CSMD1: variants seen among roughly 807,000 people sequenced by gnomAD.
CSMD1 encodes CUB and sushi domain-containing protein 1.
A neutral mutation model predicts 417.5 loss-of-function variants in CSMD1; 213 were observed. The observed-to-expected ratio is 0.51, with a 90% confidence interval of 0.46 to 0.57. The LOEUF (loss-of-function observed/expected upper bound fraction) is 0.57, where lower values mean the gene tolerates loss of function less well. Among genes scored for constraint, CSMD1 ranks in the 20% least tolerant of loss-of-function variants. The pLI, the probability that CSMD1 is intolerant of heterozygous loss-of-function variation, is 0.00. For synonymous variants in CSMD1, 2,862 were observed against 1,736.8 expected, an observed-to-expected ratio of 1.65 and a Z score of -16.11; for missense variants, 6,923 against 4,529.7, an observed-to-expected ratio of 1.53 and a Z score of -15.17.
chr8:3,147,778 T>G (rs954551024), intron 40 of CSMD1, among the ~76,000 whole-genome samples: 1 of 152,170 alleles, frequency 6.6e-6, no homozygotes, highest in Non-Finnish European at 1.5e-5. Context: ...TCAAAGGAAA[T>G]ATTGTTTAAC....
chr8:3,798,899 CA>C (rs1157977379), intron 5 of CSMD1, among the ~76,000 whole-genome samples: 1 of 151,726 alleles, frequency 6.6e-6, no homozygotes, highest in Non-Finnish European at 1.5e-5. Context: ...TTTATAGGTG[CA>C]AAAGAAGAAA....
At chr8:3,799,515 G>A (rs907919884) in intron 5 of CSMD1, among the ~76,000 whole-genome samples, 4 of 150,052 alleles carry the variant, frequency 2.7e-5, no homozygotes, top group African/African-American at 7.4e-5. Context: ...AAGCATACAT[G>A]TAACATTAGG....
At chr8:3,754,265 T>C (rs74874850) in intron 5 of CSMD1, among the ~76,000 whole-genome samples, 5,264 of 152,234 alleles carry the variant, frequency 0.035, 201 homozygotes, top group East Asian at 0.14. Flanking sequence ...TTTTCAAAAA[T>C]ATTTGATACT....
intron 1 of CSMD1, among the ~76,000 whole-genome samples, chr8:4,670,277 A>ATTTGCCTCTTTTGATGGTT: frequency 6.6e-6 from 1 of 152,174 alleles, no homozygotes; most frequent in Non-Finnish European, 1.5e-5. Flanking sequence ...GGAAGCTCTC[A>ATTTGCCTCTTTTGATGGTT]TTTGCCTCTT....
chr8:4,885,719 T>C (rs1475264247), intron 1 of CSMD1, among the ~76,000 whole-genome samples: 1 of 151,448 alleles, frequency 6.6e-6, no homozygotes, highest in Admixed American at 6.6e-5. Flanking sequence ...GATATACTTA[T>C]GTATTATAAT....
intron 8 of CSMD1, among the ~76,000 whole-genome samples, chr8:3,604,529 A>G (rs1175185175): frequency 6.6e-6 from 1 of 152,206 alleles, no homozygotes; most frequent in Non-Finnish European, 1.5e-5. Context: ...CACATAGGAT[A>G]CCAACCGAGA....
intron 1 of CSMD1, among the ~76,000 whole-genome samples, chr8:4,751,908 T>A (rs1811358462): frequency 6.6e-6 from 1 of 152,144 alleles, no homozygotes; most frequent in Admixed American, 6.5e-5. Context: ...AGTAAAGTGT[T>A]AGTTCCAGAG....
intron 1 of CSMD1, among the ~76,000 whole-genome samples, chr8:4,820,610 A>C (rs1484843453): frequency 1.3e-5 from 2 of 152,186 alleles, no homozygotes; most frequent in Non-Finnish European, 2.9e-5. Flanking sequence ...GCTTTCTGAA[A>C]TCACTGAAGT....
chr8:4,837,539 C>T (rs1319501851), intron 1 of CSMD1, among the ~76,000 whole-genome samples: 1 of 152,074 alleles, frequency 6.6e-6, no homozygotes, highest in Non-Finnish European at 1.5e-5. Flanking sequence ...TGGTTCTTAT[C>T]TGTGGAATCT....
chr8:3,313,419 GAAA>G (rs71088300), intron 23 of CSMD1, among the ~76,000 whole-genome samples: 1 of 151,910 alleles, frequency 6.6e-6, no homozygotes, highest in African/African-American at 2.4e-5. Context: ...AAATTTACAA[GAAA>G]AAAACAACCC....
intron 1 of CSMD1, among the ~76,000 whole-genome samples, chr8:4,957,087 G>A (rs1008393494): frequency 6.6e-6 from 1 of 152,210 alleles, no homozygotes; most frequent in African/African-American, 2.4e-5. Context: ...TATGCTAGAA[G>A]TATGAATTTT....
chr8:3,293,480 G>A lies in CSMD1; in HGVS notation c.3951-9134C>T, dbSNP rs191278731. Among the ~76,000 whole-genome samples, 351 of 152,110 alleles carry A rather than the reference G, an allele frequency of 2.3e-3. 1 individual carries two copies. Among genetic ancestry groups the A allele is most frequent in the Middle Eastern group, 0.014 (4 of 294 alleles). Reference sequence around the variant, plus strand: ...AGGTACACCAATCAGACGTAGATTCGGTCTTTTCACATAGTCCCATATTTC... The same window carrying A: ...AGGTACACCAATCAGACGTAGATTCAGTCTTTTCACATAGTCCCATATTTC... On this transcript the variant is annotated intron_variant, in intron 25 of 69. Coordinates refer to ENST00000635120, the MANE Select transcript of CSMD1 (RefSeq NM_033225.6).
intron 2 of CSMD1, among the ~76,000 whole-genome samples, chr8:4,448,418 G>A (rs1307763008): frequency 1.3e-5 from 2 of 152,156 alleles, no homozygotes; most frequent in East Asian, 1.9e-4. Flanking sequence ...TGTGTGCCCT[G>A]ATGCAGATTG....
intron 6 of CSMD1, among the ~76,000 whole-genome samples, chr8:3,713,797 C>A (rs1801664938): frequency 6.6e-6 from 1 of 152,102 alleles, no homozygotes; most frequent in African/African-American, 2.4e-5. Context: ...TGTATAGAGA[C>A]CAACTACTTG....
At chr8:3,764,951 A>C (rs1798192244) in intron 5 of CSMD1, among the ~76,000 whole-genome samples, 1 of 151,472 alleles carries the variant, frequency 6.6e-6, no homozygotes, top group Non-Finnish European at 1.5e-5. Context: ...TCACATGTTG[A>C]CCAGGCTGGT....
At chr8:4,791,498 T>A (rs1585104475) in intron 1 of CSMD1, among the ~76,000 whole-genome samples, 1 of 152,062 alleles carries the variant, frequency 6.6e-6, no homozygotes, top group South Asian at 2.1e-4. Context: ...GCTCAAGGAG[T>A]AACAAACAAT....
At chr8:3,302,624 G>C (rs987176248) in intron 25 of CSMD1, among the ~76,000 whole-genome samples, 3 of 152,186 alleles carry the variant, frequency 2.0e-5, no homozygotes, top group African/African-American at 2.4e-5. Flanking sequence ...CCTCTTTGCT[G>C]TCTGAGAATG....
At chr8:4,736,325 C>T (rs1276633578) in intron 1 of CSMD1, among the ~76,000 whole-genome samples, 1 of 152,086 alleles carries the variant, frequency 6.6e-6, no homozygotes, top group Non-Finnish European at 1.5e-5. Flanking sequence ...GTTGATTATT[C>T]TTGGAGATAT....
chr8:4,694,322 C>G (rs1806971782), intron 1 of CSMD1, among the ~76,000 whole-genome samples: 1 of 151,948 alleles, frequency 6.6e-6, no homozygotes, highest in Non-Finnish European at 1.5e-5. Flanking sequence ...CTTTCTGGAC[C>G]AAACCAAAAA....
Sources: gnomAD v4.1 joint callset for allele counts (sites outside exome capture counted in the v4.1 genomes callset) on GRCh38, gnomAD v4.1.1 for gene constraint, MANE v1.5 for transcripts, NCBI Gene and HGNC (gene_info 2026-07-23, HGNC 2026-07-21) for gene names.